The following IKZF3 variants were observed in gnomAD, a reference collection of about 807,000 sequenced individuals.
IKZF3 encodes the protein IKAROS family zinc finger 3, also known as zinc finger protein Aiolos.
Under a neutral mutation model 49.0 loss-of-function variants are expected in IKZF3, and 10 were observed. The observed-to-expected ratio is 0.20, with a 90% CI of 0.13 to 0.35. The LOEUF is 0.35. IKZF3 is among the 10% of genes least tolerant of loss of function. The pLI is 1.00. For missense variants in IKZF3, 498 were observed against 664.8 expected (o/e 0.75, Z 2.76); for synonymous variants, 209 against 228.2 (o/e 0.92, Z 0.76).
chr17:39,774,958 G>C (rs1378738656), intron 7 of IKZF3, among the ~76,000 whole-genome samples: 3 of 152,172 alleles, frequency 2.0e-5, no homozygotes, highest in Non-Finnish European at 2.9e-5. Flanking sequence ...ACACACAGTG[G>C]TATCAATAAT....
chr17:39,791,716 T>A (rs1298102446), intron 4 of IKZF3, 133 bp from the exon 5 acceptor site: 1 of 886,090 alleles, frequency 1.1e-6, no homozygotes, highest in East Asian at 2.5e-5. Context: ...GGGAGCTGCA[T>A]TTCAAGGCAA....
chr17:39,858,606 G>T (rs1343403903), intron 1 of IKZF3, among the ~76,000 whole-genome samples: 1 of 151,952 alleles, frequency 6.6e-6, no homozygotes, highest in East Asian at 1.9e-4. Context: ...CACCTCCCAG[G>T]TTCAACCAGT....
At chr17:39,829,615 A>G in intron 2 of IKZF3, 127 bp from the exon 3 acceptor site, 1 of 639,794 alleles carries the variant, frequency 1.6e-6, no homozygotes. Context: ...GTACCCCTTC[A>G]CACATACCCA....
rs564429615 is a variant in IKZF3 at position 39,856,758 on chromosome 17, A to G, written c.7+7362T>C. 7.3e-3 allele frequency among the ~76,000 whole-genome samples: 1,107 copies of G among 151,934 alleles called. 9 individuals carry two copies. Among genetic ancestry groups the G allele is most frequent in the African/African-American group, 0.026 (1,058 of 41,456 alleles). Reference sequence around the variant, plus strand: ...GAGGCAGAGGTTGCAATGAGCCAAGATTGCACCACTGCACTCCAGCCTGGG... The same window carrying G: ...GAGGCAGAGGTTGCAATGAGCCAAGGTTGCACCACTGCACTCCAGCCTGGG... On this transcript the variant is annotated intron_variant, in intron 1 of 7. Transcript: ENST00000346872.
rs1439379102 is a variant in IKZF3 at position 39,763,190 on chromosome 17, T to G, written c.*2600A>C. On this transcript the variant is annotated 3_prime_UTR_variant, in exon 8 of 8. Coordinates refer to ENST00000346872, the MANE Select transcript of IKZF3 (RefSeq NM_012481.5). ...CCTTTAGCTGAAGTCTCAAACATGT[T>G]GGGACTGTTGCCATGGAATTTCATA... 1 of 152,188 alleles carries G rather than the reference T, an allele frequency of 6.6e-6. No homozygotes were observed. Among genetic ancestry groups the G allele is most frequent in the Non-Finnish European group, 1.5e-5 (1 of 68,032 alleles). 9.4% of individuals were successfully genotyped at this position (152,188 alleles called of 1,614,324 possible). A position where few individuals can be genotyped will look rare whatever the true frequency, so the allele number is the denominator to read the frequency against.
intron 6 of IKZF3, among the ~76,000 whole-genome samples, chr17:39,786,411 T>C (rs1395707652): frequency 6.6e-6 from 1 of 152,162 alleles, no homozygotes; most frequent in Non-Finnish European, 1.5e-5. Flanking sequence ...ATAGATTTCA[T>C]AGCTTGGGAA....
intron 3 of IKZF3, among the ~76,000 whole-genome samples, chr17:39,812,938 A>C (rs1568010334): frequency 6.6e-6 from 1 of 152,052 alleles, no homozygotes. Context: ...GTCTACTAAA[A>C]ATACAAAAAT....
In IKZF3 at chr17:39,761,557, T is replaced by A. The variant is rs1278882810; in HGVS notation, c.*4233A>T. 6.7e-6 allele frequency: 1 copy of A among 150,036 alleles called. No homozygotes were observed. Among genetic ancestry groups the A allele is most frequent in the Non-Finnish European group, 1.5e-5 (1 of 67,502 alleles). 9.3% of individuals were successfully genotyped at this position (150,036 alleles called of 1,614,324 possible). On this transcript the variant is annotated 3_prime_UTR_variant, in exon 8 of 8. Transcript: ENST00000346872. ...AGTGAGACCCTGGTCCTCTAAAATATACATACATATATATACATATACAAA... is the reference window on the plus strand; with the variant it reads ...AGTGAGACCCTGGTCCTCTAAAATAAACATACATATATATACATATACAAA...
intron 2 of IKZF3, among the ~76,000 whole-genome samples, chr17:39,831,197 C>A (rs1344271935): frequency 6.6e-6 from 1 of 151,956 alleles, no homozygotes; most frequent in Non-Finnish European, 1.5e-5. Flanking sequence ...GCCTGACCAA[C>A]GTGGTGAAAC....
intron 3 of IKZF3, among the ~76,000 whole-genome samples, chr17:39,820,880 T>C (rs1002440219): frequency 4.6e-5 from 7 of 152,130 alleles, no homozygotes; most frequent in Non-Finnish European, 1.0e-4. Context: ...GATTGAGTCC[T>C]ATAAACGTTC....
In IKZF3 at chr17:39,765,643, T is replaced by A; in HGVS notation, c.*147A>T. 1 of 581,126 alleles carries A rather than the reference T, an allele frequency of 1.7e-6. No homozygotes were observed. Among genetic ancestry groups the A allele is most frequent in the African/African-American group, 1.9e-5 (1 of 53,904 alleles). The allele number at this position is 581,126 out of a possible 1,614,324, so 36.0% of individuals were successfully genotyped here. A position where few individuals can be genotyped will look rare whatever the true frequency, so the allele number is the denominator to read the frequency against. ...AATAATTTCTGAAGGAAGACAGTGT[T>A]TCCCTGGCTACCCCTGTGAACACAG... On this transcript the variant is annotated 3_prime_UTR_variant, in exon 8 of 8. Coordinates refer to ENST00000346872, the MANE Select transcript of IKZF3 (RefSeq NM_012481.5).
chr17:39,831,152 C>T (rs890375773), intron 2 of IKZF3, among the ~76,000 whole-genome samples: 12 of 152,008 alleles, frequency 7.9e-5, no homozygotes, highest in Non-Finnish European at 1.2e-4. Context: ...GAGGCCGAGG[C>T]GGGCGGATCA....
intron 3 of IKZF3, among the ~76,000 whole-genome samples, chr17:39,793,282 C>T (rs949776042): frequency 6.6e-6 from 1 of 152,168 alleles, no homozygotes; most frequent in African/African-American, 2.4e-5. Context: ...GTTCTCAGAT[C>T]TAGTACTGTT....
chr17:39,814,855 C>T (rs1363032607), intron 3 of IKZF3, among the ~76,000 whole-genome samples: 3 of 152,134 alleles, frequency 2.0e-5, no homozygotes, highest in African/African-American at 7.2e-5. Context: ...GGTGTTTTGT[C>T]ACCCAGTTTG....
At chr17:39,783,104 T>C (rs895901010) in intron 6 of IKZF3, among the ~76,000 whole-genome samples, 1 of 152,178 alleles carries the variant, frequency 6.6e-6, no homozygotes, top group Non-Finnish European at 1.5e-5. Flanking sequence ...CATTAGATCT[T>C]GAAGTGTTAA....
chr17:39,835,898 C>A (rs2062264741), intron 1 of IKZF3: 2 of 648,902 alleles, frequency 3.1e-6, no homozygotes, highest in South Asian at 2.8e-5. Flanking sequence ...CCTCCACCAG[C>A]CCCTGCATGT....
chr17:39,802,140 T>G (rs1411286057), intron 3 of IKZF3, among the ~76,000 whole-genome samples: 1 of 138,512 alleles, frequency 7.2e-6, no homozygotes, highest in African/African-American at 2.7e-5. Flanking sequence ...GAGAATGCTG[T>G]GAACCCGGGA....
intron 1 of IKZF3, among the ~76,000 whole-genome samples, chr17:39,849,541 C>T (rs1285778207): frequency 6.6e-6 from 1 of 152,108 alleles, no homozygotes; most frequent in African/African-American, 2.4e-5. Context: ...CACCTGTAAT[C>T]CCAGCTACTC....
intron 7 of IKZF3, among the ~76,000 whole-genome samples, chr17:39,767,262 A>G (rs2060317382): frequency 2.0e-5 from 3 of 152,126 alleles, no homozygotes; most frequent in Non-Finnish European, 4.4e-5. Flanking sequence ...TAACTGAAAA[A>G]ATATACTTGT....
Sources: gnomAD v4.1 joint callset for allele counts (sites outside exome capture counted in the v4.1 genomes callset) on GRCh38, gnomAD v4.1.1 for gene constraint, MANE v1.5 for transcripts, NCBI Gene and HGNC (gene_info 2026-07-23, HGNC 2026-07-21) for gene names.